The following KCNH5 variants were observed in gnomAD, a reference collection of about 807,000 sequenced individuals.
The protein encoded by KCNH5 is voltage-gated delayed rectifier potassium channel KCNH5.
KCNH5 carries 46 observed loss-of-function variants against 96.1 expected under a neutral mutation model. The observed-to-expected ratio is 0.48, with a 90% CI of 0.38 to 0.61. KCNH5 has a LOEUF of 0.61. Among genes scored for constraint, KCNH5 ranks in the 20% least tolerant of loss-of-function variants. The probability of loss-of-function intolerance (pLI) is 0.00; values close to 1 mark genes in which losing one functional copy is unlikely to be tolerated. For missense variants in KCNH5, 907 were observed against 1,225.8 expected, an observed-to-expected ratio of 0.74 and a Z score of 3.88; for synonymous variants, 439 against 449.8, an observed-to-expected ratio of 0.98 and a Z score of 0.30.
chr14:62,865,759 T>C (rs997518237), intron 7 of KCNH5, among the ~76,000 whole-genome samples: 10 of 152,188 alleles, frequency 6.6e-5, no homozygotes, highest in Admixed American at 3.9e-4. Context: ...CAAGAAAACA[T>C]ATTTTCGAGG....
At chr14:62,876,256 T>C (rs1245695376) in intron 7 of KCNH5, among the ~76,000 whole-genome samples, 1 of 152,202 alleles carries the variant, frequency 6.6e-6, no homozygotes, top group African/African-American at 2.4e-5. Context: ...TGATAACATA[T>C]TTAATAGTGA....
intron 3 of KCNH5, among the ~76,000 whole-genome samples, 198 bp downstream of exon 3, chr14:63,006,165 TTCC>T (rs1891121209): frequency 6.6e-6 from 1 of 152,218 alleles, no homozygotes; most frequent in South Asian, 2.1e-4. Context: ...CACATTTTTC[TTCC>T]ATTCCTCAAA....
intron 10 of KCNH5, among the ~76,000 whole-genome samples, chr14:62,710,630 CT>C (rs753041569): frequency 5.3e-5 from 8 of 152,100 alleles, no homozygotes; most frequent in Non-Finnish European, 1.2e-4. Flanking sequence ...ACCACTTACC[CT>C]TTTTATTTTT....
chr14:62,857,396 A>C (rs1429716674), intron 7 of KCNH5, among the ~76,000 whole-genome samples: 4 of 152,188 alleles, frequency 2.6e-5, no homozygotes, highest in Non-Finnish European at 5.9e-5. Context: ...ATTCTCTTTT[A>C]AGCTAAGTGT....
At chr14:62,964,994 T>G (rs530062603) in intron 6 of KCNH5, among the ~76,000 whole-genome samples, 1 of 152,226 alleles carries the variant, frequency 6.6e-6, no homozygotes, top group African/African-American at 2.4e-5. Context: ...TCTTTAACAG[T>G]TTTATGAAGA....
chr14:62,907,369 C>T (rs117687723), intron 7 of KCNH5, among the ~76,000 whole-genome samples: 1 of 152,214 alleles, frequency 6.6e-6, no homozygotes, highest in South Asian at 2.1e-4. Context: ...GCCTGTCACT[C>T]TATCAGAGAA....
intron 8 of KCNH5, among the ~76,000 whole-genome samples, chr14:62,849,333 G>A (rs1171238514): frequency 6.6e-6 from 1 of 152,132 alleles, no homozygotes; most frequent in African/African-American, 2.4e-5. Flanking sequence ...AAAAATGGCA[G>A]CACTCTGAGT....
intron 10 of KCNH5, chr14:62,712,668 A>G: frequency 1.3e-6 from 1 of 778,108 alleles, no homozygotes; most frequent in South Asian, 1.4e-5. Flanking sequence ...CAGCAGTTTC[A>G]CACCCAGCAG....
intron 7 of KCNH5, among the ~76,000 whole-genome samples, chr14:62,914,800 C>T (rs1044535273): frequency 6.6e-6 from 1 of 152,178 alleles, no homozygotes; most frequent in African/African-American, 2.4e-5. Context: ...ATGGTAATTT[C>T]TTACAGCAGC....
At chr14:62,977,473 C>T (rs1335360131) in intron 6 of KCNH5, among the ~76,000 whole-genome samples, 8 of 151,750 alleles carry the variant, frequency 5.3e-5, no homozygotes, top group Admixed American at 2.0e-4. Context: ...AAATAGTGAG[C>T]GAAAGTAGAA....
chr14:62,800,897 C>A (rs61994854), intron 9 of KCNH5, among the ~76,000 whole-genome samples: 1,561 of 151,934 alleles, frequency 0.01, 18 homozygotes, highest in Non-Finnish European at 0.017. Context: ...ATTAAACATA[C>A]CCAGAATGTT....
intron 7 of KCNH5, among the ~76,000 whole-genome samples, chr14:62,944,041 G>T (rs1308393280): frequency 6.6e-6 from 1 of 152,050 alleles, no homozygotes; most frequent in Non-Finnish European, 1.5e-5. Flanking sequence ...TTAGGGGAAG[G>T]CCTATACTAT....
At position 62,917,756 on chromosome 14, in the gene KCNH5, C is replaced by G. The variant is rs567700607; in HGVS notation, c.1369+32377G>C. Among the ~76,000 whole-genome samples, 3 of 152,232 alleles carry G rather than the reference C, an allele frequency of 2.0e-5. No homozygotes were observed. In the South Asian group the frequency reaches 6.2e-4, roughly 32 times the overall value. On this transcript the variant is annotated intron_variant, in intron 7 of 10. Coordinates refer to ENST00000322893, the MANE Select transcript of KCNH5 (RefSeq NM_139318.5). ...CATCATCCTCTTAATTCTTAAAACCCAAAGCATACCCCACATTATTCTTAA... is the reference window on the plus strand; with the variant it reads ...CATCATCCTCTTAATTCTTAAAACCGAAAGCATACCCCACATTATTCTTAA...
intron 7 of KCNH5, among the ~76,000 whole-genome samples, chr14:62,938,297 A>G (rs1056843485): frequency 1.8e-4 from 28 of 152,282 alleles, no homozygotes; most frequent in Non-Finnish European, 2.5e-4. Flanking sequence ...CTCACCCCAT[A>G]AAGATCTCCT....
intron 7 of KCNH5, among the ~76,000 whole-genome samples, chr14:62,912,500 A>G (rs944239236): frequency 7.9e-5 from 12 of 151,582 alleles, no homozygotes; most frequent in African/African-American, 2.9e-4. Context: ...TCTGCCTCCC[A>G]GGTTCAAGCG....
At chr14:62,771,694 T>C (rs1432292164) in intron 10 of KCNH5, among the ~76,000 whole-genome samples, 1 of 152,136 alleles carries the variant, frequency 6.6e-6, no homozygotes, top group Non-Finnish European at 1.5e-5. Context: ...GAAGCCACAA[T>C]GGAAGCAATT....
chr14:62,950,005 A>G lies in KCNH5; in HGVS notation c.1369+128T>C, dbSNP rs1889968501. 10 of 739,178 alleles carry G rather than the reference A, an allele frequency of 1.4e-5. No individual in the cohort carries two copies. The Admixed American group carries it at 2.5e-4, about 19-fold the overall frequency. 45.8% of individuals were successfully genotyped at this position (739,178 alleles called of 1,614,324 possible). On this transcript the variant is annotated intron_variant, in intron 7 of 10. Transcript: ENST00000322893. The stretch of plus-strand genomic sequence containing the variant: ...TATTTTCTAAGGTAGATTAAAAAAA[A>G]CAATTGCAAATAAGATGGATTAAAT...
intron 10 of KCNH5, among the ~76,000 whole-genome samples, chr14:62,719,648 C>T (rs1358910937): frequency 6.6e-6 from 1 of 152,174 alleles, no homozygotes; most frequent in African/African-American, 2.4e-5. Context: ...CTCAGTGTTT[C>T]CCTTACTTGA....
chr14:62,943,267 C>T (rs1233655449), intron 7 of KCNH5, among the ~76,000 whole-genome samples: 2 of 152,052 alleles, frequency 1.3e-5, no homozygotes, highest in East Asian at 3.8e-4. Flanking sequence ...TAACTGCTTT[C>T]TTGATAAATC....
Sources: gnomAD v4.1 joint callset for allele counts (sites outside exome capture counted in the v4.1 genomes callset) on GRCh38, gnomAD v4.1.1 for gene constraint, MANE v1.5 for transcripts, NCBI Gene and HGNC (gene_info 2026-07-23, HGNC 2026-07-21) for gene names.